GGTA1: variants seen among roughly 807,000 people sequenced by gnomAD.
The protein encoded by GGTA1 is glycoprotein alpha-galactosyltransferase 1 (inactive), also known as inactive N-acetyllactosaminide alpha-1,3-galactosyltransferase.
A neutral mutation model predicts 2.6 loss-of-function variants in GGTA1; 5 were observed. The observed-to-expected ratio is 1.92, with a 90% CI of 1.00 to 4.04. The LOEUF (loss-of-function observed/expected upper bound fraction) is 4.04, where lower values mean the gene tolerates loss of function less well. Ranked by LOEUF, GGTA1 falls within the 30% of genes most tolerant of loss-of-function variation. The pLI, the probability that GGTA1 is intolerant of heterozygous loss-of-function variation, is 0.00. For synonymous variants in GGTA1, 17 were observed against 5.0 expected, an observed-to-expected ratio of 3.38 and a Z score of -3.19; for missense variants, 50 against 16.7, an observed-to-expected ratio of 2.99 and a Z score of -3.47.
intron 1 of GGTA1, among the ~76,000 whole-genome samples, chr9:121,497,066 G>A (rs956897865): frequency 1.3e-5 from 2 of 151,914 alleles, no homozygotes; most frequent in Non-Finnish European, 2.9e-5. Context: ...GGTGGTGCAC[G>A]CCTGTAATCC....
At chr9:121,499,266 C>A (rs1829056040) in intron 1 of GGTA1, among the ~76,000 whole-genome samples, 1 of 152,216 alleles carries the variant, frequency 6.6e-6, no homozygotes, top group African/African-American at 2.4e-5. Context: ...TCTGTCCTGC[C>A]CCACAGGCAA....
At chr9:121,475,232 C>T (rs1258111579) in intron 1 of GGTA1, among the ~76,000 whole-genome samples, 1 of 152,196 alleles carries the variant, frequency 6.6e-6, no homozygotes, top group East Asian at 1.9e-4. Flanking sequence ...CTGCTACACT[C>T]CCACCAGCAC....
At chr9:121,492,552 C>T (rs1045843447) in intron 1 of GGTA1, among the ~76,000 whole-genome samples, 3 of 152,162 alleles carry the variant, frequency 2.0e-5, no homozygotes, top group Non-Finnish European at 4.4e-5. Context: ...TGGCTTACTA[C>T]AACCTCCACG....
At chr9:121,487,479 G>A (rs949836550) in intron 1 of GGTA1, among the ~76,000 whole-genome samples, 4 of 148,014 alleles carry the variant, frequency 2.7e-5, no homozygotes, top group Non-Finnish European at 5.9e-5. Context: ...AGGAGGCTGA[G>A]TCAGGAGAAT....
intron 5 of GGTA1, among the ~76,000 whole-genome samples, chr9:121,457,610 A>T (rs996289233): frequency 6.6e-6 from 1 of 151,142 alleles, no homozygotes; most frequent in Non-Finnish European, 1.5e-5. Flanking sequence ...CTGAGGCAGG[A>T]GAATGGCATG....
At chr9:121,474,310 G>T (rs1000821126) in intron 1 of GGTA1, among the ~76,000 whole-genome samples, 3 of 152,166 alleles carry the variant, frequency 2.0e-5, no homozygotes, top group Admixed American at 6.5e-5. Flanking sequence ...ACCATTTGTA[G>T]AACTCAGTTA....
chr9:121,488,766 A>G (rs889708770), intron 1 of GGTA1, among the ~76,000 whole-genome samples: 1 of 151,600 alleles, frequency 6.6e-6, no homozygotes. Context: ...AAAATTAGCC[A>G]GGCATGGTGG....
chr9:121,448,579 C>T (rs904458459), intron 7 of GGTA1, among the ~76,000 whole-genome samples: 4 of 152,022 alleles, frequency 2.6e-5, no homozygotes, highest in South Asian at 4.2e-4. Flanking sequence ...AAGCCACATT[C>T]GGTGGCTGAG....
At chr9:121,473,998 G>GA (rs917448205) in intron 1 of GGTA1, among the ~76,000 whole-genome samples, 96 of 151,334 alleles carry the variant, frequency 6.3e-4, no homozygotes, top group Non-Finnish European at 1.2e-3. Flanking sequence ...AGAAAAGAAA[G>GA]AAAGAAAGAA....
At chr9:121,459,733 C>G (rs1190395714) in intron 5 of GGTA1, among the ~76,000 whole-genome samples, 1 of 152,170 alleles carries the variant, frequency 6.6e-6, no homozygotes, top group East Asian at 1.9e-4. Flanking sequence ...CCCATCTCCT[C>G]ACTCCCAGAA....
At chr9:121,489,516 C>T (rs557292606) in intron 1 of GGTA1, among the ~76,000 whole-genome samples, 13 of 152,226 alleles carry the variant, frequency 8.5e-5, no homozygotes, top group African/African-American at 4.8e-5. Flanking sequence ...TTACTTACAT[C>T]TATTGTATCT....
intron 1 of GGTA1, among the ~76,000 whole-genome samples, chr9:121,485,302 A>T (rs896720852): frequency 1.3e-5 from 2 of 152,140 alleles, no homozygotes; most frequent in Admixed American, 1.3e-4. Context: ...TGGAGCCTCC[A>T]GGAAAACCGT....
At chr9:121,451,855 G>A (rs2064879789), downstream of GGTA1, 1 of 152,330 alleles carries the variant, frequency 6.6e-6, no homozygotes, top group Non-Finnish European at 1.5e-5. Flanking sequence ...GGAGGAGGTG[G>A]TTGTGGGTAT....
intron 1 of GGTA1, among the ~76,000 whole-genome samples, chr9:121,473,319 C>CAAA (rs10712323): frequency 0.22 from 21,294 of 96,036 alleles, 2,354 homozygotes; most frequent in Non-Finnish European, 0.3. Flanking sequence ...GACTCCATCT[C>CAAA]AAAAAAAAAA....
chr9:121,455,913 TA>T, intron 5 of GGTA1, 72 bp from the exon 6 acceptor site: 1 of 443,580 alleles, frequency 2.3e-6, no homozygotes. Flanking sequence ...TCCCAGCTGT[TA>T]ATTATTTGAT....
At chr9:121,489,784 C>T (rs928291099) in intron 1 of GGTA1, among the ~76,000 whole-genome samples, 1 of 152,180 alleles carries the variant, frequency 6.6e-6, no homozygotes, top group East Asian at 1.9e-4. Context: ...TGAAGCCCAA[C>T]TCTCCTGGGG....
At chr9:121,468,267 G>T (rs922630591) in intron 1 of GGTA1, among the ~76,000 whole-genome samples, 1 of 152,172 alleles carries the variant, frequency 6.6e-6, no homozygotes, top group Non-Finnish European at 1.5e-5. Flanking sequence ...AGAACATGCG[G>T]TGTTTGGTTT....
chr9:121,452,707 TG>T (rs759946496), downstream of GGTA1, among the ~76,000 whole-genome samples: 84 of 152,044 alleles, frequency 5.5e-4, no homozygotes, highest in Non-Finnish European at 1.0e-3. Context: ...TTAGTAGAGA[TG>T]GGGTTTCACC....
chr9:121,473,958 AGGGAGG>A (rs1828450941), intron 1 of GGTA1, among the ~76,000 whole-genome samples: 1 of 129,216 alleles, frequency 7.7e-6, no homozygotes, highest in Non-Finnish European at 1.7e-5. Context: ...AGAGAGAGAG[AGGGAGG>A]GAGGGAGGGA....
Sources: allele counts gnomAD v4.1 joint callset (sites outside exome capture counted in the v4.1 genomes callset), GRCh38; gene constraint gnomAD v4.1.1; transcripts MANE v1.5; gene names NCBI Gene and HGNC (gene_info 2026-07-23, HGNC 2026-07-21).